Variants in CADM2 observed in about 807,000 individuals in gnomAD.
CADM2 encodes cell adhesion molecule 2.
In CADM2, 12 loss-of-function variants were observed where a neutral mutation model predicts 49.8. The ratio of observed to expected loss-of-function variants is 0.24; its 90% CI spans 0.15 to 0.39. CADM2 has a LOEUF of 0.39. CADM2 is among the 10% of genes least tolerant of loss of function. The pLI is 1.00. For missense variants in CADM2, 378 were observed against 492.3 expected (o/e 0.77, Z 2.20); for synonymous variants, 214 against 175.4 (o/e 1.22, Z -1.74).
intron 3 of CADM2, among the ~76,000 whole-genome samples, chr3:85,856,117 A>C (rs2075308761): frequency 6.6e-6 from 1 of 152,180 alleles, no homozygotes. Flanking sequence ...GGTTATTGGC[A>C]GTAAGGCAGT....
Position 85,988,833 on chromosome 3 carries a change from G to C in CADM2, c.970+27186G>C, listed in dbSNP as rs189485794. ...ACTCAAATATGCCCAGAGCTGTTTT[G>C]TTACTGACTGGTAAGCAAAGAAGGC... On this transcript the variant is annotated intron_variant, in intron 8 of 9. Coordinates refer to ENST00000383699, the MANE Select transcript of CADM2 (RefSeq NM_001167675.2). Among the ~76,000 whole-genome samples, 980 of 152,240 alleles carry C rather than the reference G, an allele frequency of 6.4e-3. 6 individuals carry two copies. Among genetic ancestry groups the C allele is most frequent in the Middle Eastern group, 0.037 (11 of 294 alleles).
intron 1 of CADM2, among the ~76,000 whole-genome samples, chr3:85,126,667 C>T (rs1045642358): frequency 1.3e-5 from 2 of 151,896 alleles, no homozygotes; most frequent in African/African-American, 4.8e-5. Context: ...TTTTATGTGT[C>T]TTTCTTTAAC....
intron 1 of CADM2, among the ~76,000 whole-genome samples, chr3:85,516,378 T>C (rs762001275): frequency 6.6e-6 from 1 of 152,198 alleles, no homozygotes; most frequent in Non-Finnish European, 1.5e-5. Context: ...GAATTGACTT[T>C]CACAAATTAT....
At chr3:85,197,366 A>T (rs943546916) in intron 1 of CADM2, among the ~76,000 whole-genome samples, 2 of 151,918 alleles carry the variant, frequency 1.3e-5, no homozygotes, top group Non-Finnish European at 2.9e-5. Context: ...TGTATTAGAA[A>T]TTTTATACAC....
At chr3:85,751,617 G>T (rs1430403034) in intron 2 of CADM2, among the ~76,000 whole-genome samples, 1 of 152,008 alleles carries the variant, frequency 6.6e-6, no homozygotes, top group African/African-American at 2.4e-5. Flanking sequence ...TCTTTGAGAC[G>T]CTGCAGCACT....
chr3:86,016,355 G>T (rs1236234890), intron 8 of CADM2, among the ~76,000 whole-genome samples: 2 of 151,946 alleles, frequency 1.3e-5, no homozygotes, highest in African/African-American at 4.8e-5. Context: ...ATTATTTCTT[G>T]TACCAATCTA....
At chr3:85,984,045 T>G (rs1208542989) in intron 8 of CADM2, among the ~76,000 whole-genome samples, 1 of 149,570 alleles carries the variant, frequency 6.7e-6, no homozygotes, top group African/African-American at 2.4e-5. Context: ...TTATATATGA[T>G]CTATCTTATA....
At chr3:86,003,023 T>A (rs1345804480) in intron 8 of CADM2, among the ~76,000 whole-genome samples, 1 of 152,184 alleles carries the variant, frequency 6.6e-6, no homozygotes, top group Non-Finnish European at 1.5e-5. Context: ...GAAATTCCCC[T>A]TCCTCTTCAA....
At chr3:85,905,830 ACT>A (rs1164154349) in intron 5 of CADM2, among the ~76,000 whole-genome samples, 2 of 152,048 alleles carry the variant, frequency 1.3e-5, no homozygotes, top group African/African-American at 4.8e-5. Context: ...TATTGTAAAA[ACT>A]CTGGTAGTAC....
intron 2 of CADM2, among the ~76,000 whole-genome samples, chr3:85,729,675 T>C (rs1319512184): frequency 3.9e-5 from 6 of 152,204 alleles, no homozygotes. Context: ...ACTCTGCTGG[T>C]GCACTAGCTT....
At chr3:85,413,150 AAAAAAAAAAAAAATAAT>A (rs1459216957) in intron 1 of CADM2, among the ~76,000 whole-genome samples, 6 of 143,506 alleles carry the variant, frequency 4.2e-5, no homozygotes, top group Non-Finnish European at 9.1e-5. Context: ...AAAAAAAAAA[AAAAAAAAAAAAAATAAT>A]AATAATAATA....
intron 1 of CADM2, among the ~76,000 whole-genome samples, chr3:85,703,225 C>T (rs1168218653): frequency 6.6e-6 from 1 of 152,096 alleles, no homozygotes; most frequent in Non-Finnish European, 1.5e-5. Flanking sequence ...GAGTTCTTCC[C>T]TCAAACCCCA....
At chr3:85,079,394 T>C (rs1291306417) in intron 1 of CADM2, among the ~76,000 whole-genome samples, 2 of 151,854 alleles carry the variant, frequency 1.3e-5, no homozygotes, top group African/African-American at 4.8e-5. Flanking sequence ...AGGTATAATC[T>C]ATATTGACTA....
At chr3:85,202,619 A>C (rs1459786634) in intron 1 of CADM2, among the ~76,000 whole-genome samples, 2 of 152,130 alleles carry the variant, frequency 1.3e-5, no homozygotes, top group African/African-American at 4.8e-5. Context: ...ATAATTCTTA[A>C]AGGCACTAGG....
chr3:85,776,531 CA>C (rs1395452393), intron 2 of CADM2, among the ~76,000 whole-genome samples: 3 of 151,950 alleles, frequency 2.0e-5, no homozygotes, highest in African/African-American at 7.2e-5. Context: ...TTGAATAGAA[CA>C]TCATTTAATG....
intron 5 of CADM2, among the ~76,000 whole-genome samples, chr3:85,890,135 A>T (rs1714226178): frequency 1.3e-5 from 2 of 152,018 alleles, no homozygotes; most frequent in Non-Finnish European, 2.9e-5. Context: ...TTTTCCAAAA[A>T]GGGTTTGGAG....
chr3:85,579,538 G>A (rs6762535), intron 1 of CADM2, among the ~76,000 whole-genome samples: 78,086 of 152,020 alleles, frequency 0.51, 23,079 homozygotes, highest in East Asian at 0.85. Context: ...CTTAATGATA[G>A]AGTCAAGTTT....
intron 1 of CADM2, among the ~76,000 whole-genome samples, chr3:85,509,633 T>C (rs1270504227): frequency 6.6e-6 from 1 of 152,116 alleles, no homozygotes; most frequent in Non-Finnish European, 1.5e-5. Flanking sequence ...CTGCGTGACA[T>C]TAAAAGTGAT....
intron 3 of CADM2, among the ~76,000 whole-genome samples, chr3:85,882,616 T>C (rs1712983587): frequency 6.6e-6 from 1 of 152,146 alleles, no homozygotes; most frequent in Non-Finnish European, 1.5e-5. Context: ...AATGCTTTTG[T>C]TTTTCTCCCA....
Sources: allele counts gnomAD v4.1 joint callset (sites outside exome capture counted in the v4.1 genomes callset), GRCh38; gene constraint gnomAD v4.1.1; transcripts MANE v1.5; gene names NCBI Gene and HGNC (gene_info 2026-07-23, HGNC 2026-07-21).